The following FDX2 variants were observed in gnomAD, a reference collection of about 807,000 sequenced individuals.
FDX2 encodes the protein ferredoxin-2, mitochondrial.
In FDX2, 13 loss-of-function variants were observed where a neutral mutation model predicts 18.5. The observed-to-expected ratio is 0.70, with a 90% CI of 0.46 to 1.12. The LOEUF is 1.12. FDX2 is among the 50% of genes most tolerant of loss of function. FDX2 has a pLI of 0.00. For synonymous variants in FDX2, 132 were observed against 106.2 expected (o/e 1.24, Z -1.49); for missense variants, 238 against 250.4 (o/e 0.95, Z 0.34).
rs1568306034 is a variant in FDX2 at position 10,310,323 on chromosome 19, G to C, written c.*163C>G. 3.9e-6 allele frequency: 4 copies of C among 1,036,100 alleles called. No individual in the cohort carries two copies. The highest frequency in any genetic ancestry group is 5.5e-6 in the Non-Finnish European group (4 of 721,984). The allele number at this position is 1,036,100 out of a possible 1,614,324, so 64.2% of individuals were successfully genotyped here. A position where few individuals can be genotyped will look rare whatever the true frequency, so the allele number is the denominator to read the frequency against. On this transcript the variant is annotated 3_prime_UTR_variant, in exon 5 of 5. Transcript: ENST00000393708. Reference sequence around the variant, plus strand: ...CCCACTAGGGGCCCTGTCCCCACCAGAGCCTGGACATGGGACTCTCTCCCA... The same window carrying C: ...CCCACTAGGGGCCCTGTCCCCACCACAGCCTGGACATGGGACTCTCTCCCA...
At chr19:10,311,917 C>G (rs1320172893) in intron 3 of FDX2, among the ~76,000 whole-genome samples, 5 of 138,606 alleles carry the variant, frequency 3.6e-5, no homozygotes, top group African/African-American at 1.4e-4. Context: ...TTTGCCCAGG[C>G]TGGAGTGCAA....
chr19:10,310,390 C>T lies in FDX2; in HGVS notation c.*96G>A, dbSNP rs1476180780. 7 of 1,523,966 alleles carry T rather than the reference C, an allele frequency of 4.6e-6. No homozygotes were observed. The highest frequency in any genetic ancestry group is 1.2e-5 in the South Asian group (1 of 83,414). 94.4% of individuals were successfully genotyped at this position (1,523,966 alleles called of 1,614,324 possible). A position where few individuals can be genotyped will look rare whatever the true frequency, so the allele number is the denominator to read the frequency against. On this transcript the variant is annotated 3_prime_UTR_variant, in exon 5 of 5. Transcript: ENST00000393708. Reference sequence around the variant, plus strand: ...TTCACAGGGGCTTCCACGTCTCTCCCGGGCCTGTCCGCACTCTGGGCAGGG... The same window carrying T: ...TTCACAGGGGCTTCCACGTCTCTCCTGGGCCTGTCCGCACTCTGGGCAGGG...
At chr19:10,315,580 C>G in intron 2 of FDX2, 88 bp from the exon 3 acceptor site, 1 of 1,534,994 alleles carries the variant, frequency 6.5e-7, no homozygotes, top group Non-Finnish European at 8.9e-7. Context: ...GGAATTGAGG[C>G]TTGACGCACA....
At chr19:10,312,331 A>G (rs1275470031) in intron 3 of FDX2, among the ~76,000 whole-genome samples, 1 of 151,838 alleles carries the variant, frequency 6.6e-6, no homozygotes, top group Non-Finnish European at 1.5e-5. Flanking sequence ...TAGGGTTGAA[A>G]GAGACAGAAC....
At chr19:10,312,974 T>C (rs550877454) in intron 3 of FDX2, among the ~76,000 whole-genome samples, 10 of 151,980 alleles carry the variant, frequency 6.6e-5, no homozygotes, top group Non-Finnish European at 1.3e-4. Flanking sequence ...CCATCTCTAT[T>C]AAAAATACAA....
Position 10,310,945 on chromosome 19 carries a change from G to A in FDX2, c.317-5C>T. The A allele has an allele frequency of 1.2e-6, 2 of 1,608,720 alleles. No individual in the cohort carries two copies. Among genetic ancestry groups the A allele is most frequent in the Non-Finnish European group, 1.7e-6 (2 of 1,177,122 alleles). On this transcript the variant is annotated splice_polypyrimidine_tract_variant and splice_region_variant and intron_variant, in intron 3 of 4. Transcript: ENST00000393708. Reference sequence around the variant, plus strand: ...CCAGGGAGGCTTCACAGGCCCCTAGGGGTGGGAAGTGAAGGGGGCGCAGGT... The same window carrying A: ...CCAGGGAGGCTTCACAGGCCCCTAGAGGTGGGAAGTGAAGGGGGCGCAGGT...
chr19:10,315,431 C>T lies in FDX2; in HGVS notation c.271G>A (p.Asp91Asn). The change falls in exon 3 of 5, where the codon GAC becomes AAC. Residue 91 changes from aspartate to asparagine, a missense_variant. Transcript: ENST00000393708. ...CGCTGGGCCAGGTGAAGAACATTGT[C>T]CCCGACTCTGCCACTCACTGGGATC... is the stretch of plus-strand genomic sequence containing the variant. 3.1e-6 allele frequency: 5 copies of T among 1,612,232 alleles called. No homozygotes were observed. Among genetic ancestry groups the T allele is most frequent in the Non-Finnish European group, 4.2e-6 (5 of 1,179,618 alleles).
Position 10,310,606 on chromosome 19 carries a change from C to G in FDX2, c.441G>C (p.Gln147His). The G allele has an allele frequency of 6.2e-7, 1 of 1,603,612 alleles. No homozygotes were observed. ...TCTGGCAGCCCAGCCGCGAGTTCTC[C>G]TGGAGGAGGGGGGCCATGTCTAGCA... Residue 147 changes from glutamine to histidine, a missense_variant, in exon 5 of 5, where the codon CAG becomes CAC. Coordinates refer to ENST00000393708, the MANE Select transcript of FDX2 (RefSeq NM_001031734.4).
intron 3 of FDX2, among the ~76,000 whole-genome samples, chr19:10,313,607 C>A (rs1447305047): frequency 7.7e-6 from 1 of 129,102 alleles, no homozygotes; most frequent in Admixed American, 8.5e-5. Flanking sequence ...CTCAAGTTGT[C>A]ATGAAGATTC....
At position 10,310,598 on chromosome 19, in the gene FDX2, G is replaced by T; in HGVS notation, c.449C>A (p.Ser150Ter). The T allele has an allele frequency of 6.2e-7, 1 of 1,613,800 alleles. No homozygotes were observed. Among genetic ancestry groups the T allele is most frequent in the Non-Finnish European group, 8.5e-7 (1 of 1,179,858 alleles). Residue 150 changes from serine to a stop codon, truncating the protein, a stop_gained, in exon 5 of 5, where the codon TCG becomes TAG. Coordinates refer to ENST00000393708, the MANE Select transcript of FDX2 (RefSeq NM_001031734.4). LOFTEE classifies it high-confidence loss of function. The stretch of plus-strand genomic sequence containing the variant: ...CAGCACAATCTGGCAGCCCAGCCGC[G>T]AGTTCTCCTGGAGGAGGGGGGCCAT...
rs1326900096 is a variant in FDX2, at chr19:10,315,397, A to G, written c.305T>C (p.Val102Ala). The G allele has an allele frequency of 3.1e-6, 5 of 1,594,504 alleles. 1 individual carries two copies. In the East Asian group the frequency reaches 1.1e-4, roughly 36 times the overall value. The change falls in exon 3 of 5, where the codon GTG becomes GCG. Residue 102 changes from valine to alanine, a missense_variant. Coordinates refer to ENST00000393708, the MANE Select transcript of FDX2 (RefSeq NM_001031734.4). ...TGCCCGGTTCCTACCTTCCAGGTCC[A>G]CCCCGTGGCGCTGGGCCAGGTGAAG...
Position 10,315,903 on chromosome 19 carries a change from C to G in FDX2, c.103G>C (p.Gly35Arg). ...CCCAGCGCCACCCCCTCCCCCGACC[C>G]GGAAGTGCCCCCAGGTCTGTTCCAC... Residue 35 changes from glycine to arginine, a missense_variant, in exon 1 of 5, where the codon GGG becomes CGG. Transcript: ENST00000393708. The G allele has an allele frequency of 6.2e-7, 1 of 1,607,788 alleles. No homozygotes were observed. The highest frequency in any genetic ancestry group is 1.1e-5 in the South Asian group (1 of 90,748).
At chr19:10,315,299 G>A (rs1389302387) in intron 3 of FDX2, 87 bp downstream of exon 3, 2 of 1,059,702 alleles carry the variant, frequency 1.9e-6, no homozygotes, top group Admixed American at 2.7e-5. Flanking sequence ...AAGACGTGAA[G>A]AGACACACCT....
At chr19:10,314,615 A>C (rs2040358313) in intron 3 of FDX2, among the ~76,000 whole-genome samples, 1 of 152,200 alleles carries the variant, frequency 6.6e-6, no homozygotes, top group African/African-American at 2.4e-5. Flanking sequence ...CACACTGATA[A>C]GACAGAGTAA....
chr19:10,312,602 G>A (rs1006419770), intron 3 of FDX2, among the ~76,000 whole-genome samples: 6 of 152,022 alleles, frequency 3.9e-5, no homozygotes, highest in South Asian at 4.1e-4. Flanking sequence ...GCGTGATCTC[G>A]GCTCACTACA....
chr19:10,311,244 G>A (rs1368078008), intron 3 of FDX2, among the ~76,000 whole-genome samples: 2 of 152,156 alleles, frequency 1.3e-5, no homozygotes, highest in Non-Finnish European at 2.9e-5. Flanking sequence ...GCTGAGAGGG[G>A]AAAGGCCAGG....
chr19:10,315,337 T>TTTGACAAATG, intron 3 of FDX2, 49 bp downstream of exon 3: 2 of 1,064,556 alleles, frequency 1.9e-6, no homozygotes, highest in Non-Finnish European at 2.7e-6. Context: ...TTTTTTTTTT[T>TTTGACAAATG]TGGACAAATG....
Position 10,310,293 on chromosome 19 carries a change from G to T in FDX2, c.*193C>A, listed in dbSNP as rs1049947706. Reference sequence around the variant, plus strand: ...CCTGATTCTCAGGGGCCTGGGGAAGGCCACCCCACTAGGGGCCCTGTCCCC... The same window carrying T: ...CCTGATTCTCAGGGGCCTGGGGAAGTCCACCCCACTAGGGGCCCTGTCCCC... On this transcript the variant is annotated 3_prime_UTR_variant, in exon 5 of 5. Transcript: ENST00000393708. The T allele has an allele frequency of 5.4e-6, 4 of 734,130 alleles. No homozygotes were observed. Among genetic ancestry groups the T allele is most frequent in the African/African-American group, 1.8e-5 (1 of 56,202 alleles). The allele number at this position is 734,130 out of a possible 1,614,324, so 45.5% of individuals were successfully genotyped here. A position where few individuals can be genotyped will look rare whatever the true frequency, so the allele number is the denominator to read the frequency against.
Position 10,315,775 on chromosome 19 carries a change from C to G in FDX2, c.155-16G>C, listed in dbSNP as rs372277831. 4.4e-6 allele frequency: 7 copies of G among 1,602,756 alleles called. No homozygotes were observed. The highest frequency in any genetic ancestry group is 3.4e-4 in the Middle Eastern group (2 of 5,960). Reference sequence around the variant, plus strand: ...GGGCGCGAGCCTGGAAAACACGGTTCGGTGAGCGGCTGCGCCGAGCCCCGC... The same window carrying G: ...GGGCGCGAGCCTGGAAAACACGGTTGGGTGAGCGGCTGCGCCGAGCCCCGC... On this transcript the variant is annotated splice_polypyrimidine_tract_variant and intron_variant, in intron 1 of 4. Coordinates refer to ENST00000393708, the MANE Select transcript of FDX2 (RefSeq NM_001031734.4).
Sources: gnomAD v4.1 joint callset for allele counts (sites outside exome capture counted in the v4.1 genomes callset) on GRCh38, gnomAD v4.1.1 for gene constraint, MANE v1.5 for transcripts, NCBI Gene and HGNC (gene_info 2026-07-23, HGNC 2026-07-21) for gene names.